Variants in WWOX observed in about 807,000 individuals in gnomAD.
WWOX encodes the protein WW domain-containing oxidoreductase.
WWOX carries 69 observed loss-of-function variants against 46.2 expected under a neutral mutation model. The ratio of observed to expected loss-of-function variants is 1.49; its 90% CI spans 1.23 to 1.82. WWOX has a LOEUF of 1.82. Ranked by LOEUF, WWOX falls within the 40% of genes most tolerant of loss-of-function variation. The pLI, the probability that WWOX is intolerant of heterozygous loss-of-function variation, is 0.00. For missense variants in WWOX, 919 were observed against 542.6 expected (o/e 1.69, Z -6.89); for synonymous variants, 359 against 202.6 (o/e 1.77, Z -6.56).
At chr16:78,826,412 G>C (rs183648802) in intron 8 of WWOX, among the ~76,000 whole-genome samples, 2 of 152,318 alleles carry the variant, frequency 1.3e-5, no homozygotes, top group African/African-American at 2.4e-5. Flanking sequence ...AATCAAGGCA[G>C]GGCTATACTT....
At chr16:78,393,254 C>G (rs1210966523) in intron 6 of WWOX, among the ~76,000 whole-genome samples, 1 of 152,168 alleles carries the variant, frequency 6.6e-6, no homozygotes, top group African/African-American at 2.4e-5. Flanking sequence ...GCACATTTTC[C>G]TTCCTAGCAG....
At chr16:78,246,775 G>C (rs553689470) in intron 5 of WWOX, among the ~76,000 whole-genome samples, 1 of 152,182 alleles carries the variant, frequency 6.6e-6, no homozygotes, top group Non-Finnish European at 1.5e-5. Flanking sequence ...TTCAGGTGGC[G>C]TGGGGCGGTG....
intron 8 of WWOX, chr16:78,996,376 A>ACCCCCCCCCCCCCCCCCCCCC (rs1338159064): frequency 4.6e-6 from 2 of 438,796 alleles, no homozygotes; most frequent in Admixed American, 2.3e-4. Flanking sequence ...TTCTGCACCC[A>ACCCCCCCCCCCCCCCCCCCCC]CCCCCGCCCC....
chr16:78,900,987 C>A (rs1237415078), intron 8 of WWOX, among the ~76,000 whole-genome samples: 1 of 152,100 alleles, frequency 6.6e-6, no homozygotes, highest in African/African-American at 2.4e-5. Flanking sequence ...TTTCCATGAG[C>A]GTTCATATTT....
intron 8 of WWOX, among the ~76,000 whole-genome samples, chr16:78,704,736 G>A (rs1234417201): frequency 6.6e-6 from 1 of 152,060 alleles, no homozygotes; most frequent in Non-Finnish European, 1.5e-5. Context: ...GGTGAATTCT[G>A]GAAATGCTCT....
intron 8 of WWOX, among the ~76,000 whole-genome samples, chr16:79,002,061 C>T (rs2047103652): frequency 6.6e-6 from 1 of 152,028 alleles, no homozygotes; most frequent in South Asian, 2.1e-4. Flanking sequence ...TGGTAAATTA[C>T]ACTAATAATA....
chr16:79,023,699 C>T (rs939918449), intron 8 of WWOX, among the ~76,000 whole-genome samples: 2 of 151,890 alleles, frequency 1.3e-5, no homozygotes, highest in African/African-American at 4.8e-5. Context: ...GCAGGTAGAT[C>T]ACCTGAGGTC....
chr16:78,105,912 A>G (rs578169683), intron 1 of WWOX, among the ~76,000 whole-genome samples: 58 of 152,126 alleles, frequency 3.8e-4, no homozygotes, highest in African/African-American at 1.3e-3. Flanking sequence ...GGAAATTCTC[A>G]TGCCTCAGCC....
intron 8 of WWOX, among the ~76,000 whole-genome samples, chr16:79,074,831 G>A (rs1018262649): frequency 8.6e-5 from 13 of 151,934 alleles, no homozygotes; most frequent in Non-Finnish European, 1.9e-4. Context: ...TCAGAAAATG[G>A]AGATAAATCT....
At chr16:78,646,120 C>T (rs1219316129) in intron 8 of WWOX, among the ~76,000 whole-genome samples, 3 of 152,196 alleles carry the variant, frequency 2.0e-5, no homozygotes, top group Non-Finnish European at 4.4e-5. Flanking sequence ...TCTACAAAGT[C>T]CCATCTGCCA....
At chr16:78,541,249 C>T (rs886906175) in intron 8 of WWOX, among the ~76,000 whole-genome samples, 1 of 151,368 alleles carries the variant, frequency 6.6e-6, no homozygotes, top group Non-Finnish European at 1.5e-5. Flanking sequence ...CCGAGGCGGG[C>T]GGATCACGAG....
In WWOX at chr16:79,128,333, A is replaced by G. The variant is rs150844576; in HGVS notation, c.1057-83275A>G. Among the ~76,000 whole-genome samples, 16 of 88,336 alleles carry G rather than the reference A, an allele frequency of 1.8e-4. No homozygotes were observed. In the South Asian group the frequency reaches 2.8e-3, roughly 16 times the overall value. The allele number at this position is 88,336 out of a possible 152,430, so 58.0% of individuals were successfully genotyped here. A position where few individuals can be genotyped will look rare whatever the true frequency, so the allele number is the denominator to read the frequency against. On this transcript the variant is annotated intron_variant, in intron 8 of 8. Coordinates refer to ENST00000566780, the MANE Select transcript of WWOX (RefSeq NM_016373.4). ...GTTAGTACAACGTCCCCTAATAGCT[A>G]AGAGTTAAAAAAAAAATAGGTCTTA...
At chr16:78,543,947 A>G (rs1489387007) in intron 8 of WWOX, among the ~76,000 whole-genome samples, 1 of 152,182 alleles carries the variant, frequency 6.6e-6, no homozygotes, top group Non-Finnish European at 1.5e-5. Context: ...TTTCTTGTCA[A>G]AAAAAGAGGT....
At chr16:78,331,118 C>T (rs759061303) in intron 5 of WWOX, among the ~76,000 whole-genome samples, 1 of 151,960 alleles carries the variant, frequency 6.6e-6, no homozygotes, top group Non-Finnish European at 1.5e-5. Context: ...TTTTTAACAC[C>T]TACGGTCCCT....
chr16:78,721,312 C>A (rs1160906164), intron 8 of WWOX, among the ~76,000 whole-genome samples: 1 of 152,150 alleles, frequency 6.6e-6, no homozygotes, highest in Non-Finnish European at 1.5e-5. Context: ...CCCTTTTCTT[C>A]TTCAGGCTTT....
At chr16:78,114,836 G>C in intron 3 of WWOX, 140 bp from the exon 4 acceptor site, 2 of 1,033,116 alleles carry the variant, frequency 1.9e-6, no homozygotes, top group Non-Finnish European at 2.8e-6. Context: ...GATAGATTCA[G>C]TGGGCCCCAG....
At chr16:78,389,171 C>G (rs992237022) in intron 6 of WWOX, among the ~76,000 whole-genome samples, 1 of 152,296 alleles carries the variant, frequency 6.6e-6, no homozygotes, top group Middle Eastern at 3.4e-3. Context: ...TCCTTTGCAG[C>G]GCTTGGCTGT....
intron 5 of WWOX, among the ~76,000 whole-genome samples, chr16:78,351,862 G>GGCC (rs1308196305): frequency 6.6e-6 from 1 of 152,268 alleles, no homozygotes; most frequent in East Asian, 1.9e-4. Context: ...TCACCATGTT[G>GGCC]GCCAGGCTGG....
chr16:78,819,861 C>G (rs187158878), intron 8 of WWOX, among the ~76,000 whole-genome samples: 1 of 152,320 alleles, frequency 6.6e-6, no homozygotes, highest in Non-Finnish European at 1.5e-5. Context: ...TGCACTCAGT[C>G]TTCTTTGAGT....
Sources: allele counts gnomAD v4.1 joint callset (sites outside exome capture counted in the v4.1 genomes callset), GRCh38; gene constraint gnomAD v4.1.1; transcripts MANE v1.5; gene names NCBI Gene and HGNC (gene_info 2026-07-23, HGNC 2026-07-21).